The following KIAA0930 variants were observed in gnomAD, a reference collection of about 807,000 sequenced individuals.
The protein encoded by KIAA0930 is KIAA0930.
A neutral mutation model predicts 43.9 loss-of-function variants in KIAA0930; 24 were observed. The observed-to-expected ratio is 0.55, with a 90% CI of 0.40 to 0.77. KIAA0930 has a LOEUF of 0.77. KIAA0930 is among the 30% of genes least tolerant of loss of function. The probability of loss-of-function intolerance (pLI) is 0.00; values close to 1 mark genes in which losing one functional copy is unlikely to be tolerated. For missense variants in KIAA0930, 461 were observed against 574.2 expected, an observed-to-expected ratio of 0.80 and a Z score of 2.02; for synonymous variants, 259 against 216.4, an observed-to-expected ratio of 1.20 and a Z score of -1.73.
intron 1 of KIAA0930, 131 bp from the exon 2 acceptor site, chr22:45,212,238 C>A (rs767024181): frequency 6.2e-7 from 1 of 1,612,538 alleles, no homozygotes; most frequent in South Asian, 1.1e-5. Context: ...GATGCGCCAC[C>A]CTTCCCTCAC....
intron 1 of KIAA0930, among the ~76,000 whole-genome samples, chr22:45,220,129 C>T (rs1462391174): frequency 2.0e-5 from 3 of 151,982 alleles, no homozygotes; most frequent in Admixed American, 6.6e-5. Flanking sequence ...AAATATATGC[C>T]ATTGGCCAAG....
chr22:45,224,940 C>T (rs552488429), intron 1 of KIAA0930, among the ~76,000 whole-genome samples: 2 of 151,944 alleles, frequency 1.3e-5, no homozygotes, highest in Admixed American at 6.5e-5. Flanking sequence ...GCTGAGAAGG[C>T]GTCTGCCGTG....
At chr22:45,225,381 G>A (rs906655450) in intron 1 of KIAA0930, among the ~76,000 whole-genome samples, 3 of 152,140 alleles carry the variant, frequency 2.0e-5, no homozygotes, top group African/African-American at 4.8e-5. Context: ...TCTGACCAAA[G>A]GGAAGCGTGG....
intron 1 of KIAA0930, among the ~76,000 whole-genome samples, chr22:45,230,564 T>C (rs1489105848): frequency 6.6e-6 from 1 of 150,824 alleles, no homozygotes; most frequent in East Asian, 2.0e-4. Context: ...CCCAGTTTAT[T>C]ACCCCAGATC....
intron 1 of KIAA0930, chr22:45,226,186 G>A (rs1221416940): frequency 5.0e-5 from 23 of 457,436 alleles, no homozygotes; most frequent in Admixed American, 4.8e-4. Context: ...TTATTCATGG[G>A]CCTGTCTTAG....
intron 1 of KIAA0930, among the ~76,000 whole-genome samples, chr22:45,231,553 G>A (rs1434598486): frequency 6.6e-6 from 1 of 152,114 alleles, no homozygotes; most frequent in Non-Finnish European, 1.5e-5. Context: ...TCCCCAGGGA[G>A]GGCCAAGCTC....
At chr22:45,238,609 G>A (rs902861254) in intron 1 of KIAA0930, among the ~76,000 whole-genome samples, 1 of 152,190 alleles carries the variant, frequency 6.6e-6, no homozygotes, top group Non-Finnish European at 1.5e-5. Context: ...ACATGAGTAG[G>A]GGCGGCTTTC....
intron 1 of KIAA0930, among the ~76,000 whole-genome samples, chr22:45,217,876 TGTAA>T (rs1470486333): frequency 6.6e-6 from 1 of 152,226 alleles, no homozygotes; most frequent in Non-Finnish European, 1.5e-5. Flanking sequence ...GACCTGCTTC[TGTAA>T]GTCACTCTCT....
intron 7 of KIAA0930, 63 bp downstream of exon 7, chr22:45,202,927 G>A (rs1035188929): frequency 2.8e-5 from 39 of 1,400,018 alleles, no homozygotes; most frequent in Non-Finnish European, 3.6e-5. Flanking sequence ...GTGAGCACGG[G>A]GGAGACGGTG....
chr22:45,226,480 C>T (rs2083801626), intron 1 of KIAA0930: 1 of 360,544 alleles, frequency 2.8e-6, no homozygotes, highest in African/African-American at 2.1e-5. Flanking sequence ...ATCCTTTATC[C>T]TCCTCTAAGC....
chr22:45,211,985 C>A lies in KIAA0930; in HGVS notation c.187G>T (p.Gly63Cys), dbSNP rs750550174. The A allele has an allele frequency of 1.2e-5, 19 of 1,612,896 alleles. No individual in the cohort carries two copies. Among genetic ancestry groups the A allele is most frequent in the Non-Finnish European group, 3.4e-6 (4 of 1,180,022 alleles). ...FYVRRKLAYSGSESGADGRKA... is the reference protein window; with the variant it reads ...FYVRRKLAYSCSESGADGRKA... ...CTCCCGTCTGCACCGCTTTCGCTGC[C>A]GGAGTACGCCAGCTTCCGGCGCACA... The change falls in exon 2 of 10, where the codon GGC (glycine) becomes TGC (cysteine). Residue 63 changes from glycine to cysteine, a missense_variant. By Grantham distance (159) the Gly-to-Cys change is radical (BLOSUM62 -3). Transcript: ENST00000336156.
chr22:45,222,813 G>A (rs1026380454), intron 1 of KIAA0930, among the ~76,000 whole-genome samples: 1 of 151,754 alleles, frequency 6.6e-6, no homozygotes, highest in African/African-American at 2.4e-5. Context: ...GGAAATATAA[G>A]TGGTTTTAGA....
At chr22:45,211,185 G>C in intron 2 of KIAA0930, 1 of 378,232 alleles carries the variant, frequency 2.6e-6, no homozygotes, top group East Asian at 3.8e-5. Flanking sequence ...CGGAGTTACA[G>C]AGCCAGGCAG....
Position 45,228,743 on chromosome 22 carries a change from TACC to T in KIAA0930, c.64+11894_64+11896del, listed in dbSNP as rs1491159069. ...CCCGAAAGATCCCTCTCCACCCCCC[TACC>T]ACCACTCACCCGAAAGATCCCTCCC... On this transcript the variant is annotated intron_variant, in intron 1 of 9. Coordinates refer to ENST00000336156, the MANE Select transcript of KIAA0930 (RefSeq NM_001009880.2). 2.7e-4 allele frequency among the ~76,000 whole-genome samples: 3 copies of T among 11,186 alleles called. 1 individual carries two copies. The Admixed American group carries it at 2.7e-3, about 10-fold the overall frequency. 7.3% of individuals were successfully genotyped at this position (11,186 alleles called of 152,430 possible). A position where few individuals can be genotyped will look rare whatever the true frequency, so the allele number is the denominator to read the frequency against.
chr22:45,205,382 C>G, intron 4 of KIAA0930, 64 bp from the exon 5 acceptor site: 1 of 1,454,748 alleles, frequency 6.9e-7, no homozygotes, highest in Non-Finnish European at 9.6e-7. Flanking sequence ...CAGAGCCAGT[C>G]CAAGCCAGTA....
chr22:45,227,193 C>T (rs921486772), intron 1 of KIAA0930, among the ~76,000 whole-genome samples: 1 of 152,352 alleles, frequency 6.6e-6, no homozygotes, highest in African/African-American at 2.4e-5. Flanking sequence ...AACGACACAC[C>T]ACACAGGACA....
chr22:45,196,999 C>T lies in KIAA0930; in HGVS notation c.*177G>A. On this transcript the variant is annotated 3_prime_UTR_variant, in exon 10 of 10. Coordinates refer to ENST00000336156, the MANE Select transcript of KIAA0930 (RefSeq NM_001009880.2). The surrounding 1 kb of genome is among the most constrained non-coding windows in gnomAD (Gnocchi z 4.1). The stretch of plus-strand genomic sequence containing the variant: ...CCAGCAGGGGAGGGAAGAGGCACTT[C>T]AGTTTGGGCTGGTGTTCGTGGAGTC... 1 of 561,150 alleles carries T rather than the reference C, an allele frequency of 1.8e-6. No individual in the cohort carries two copies. The highest frequency in any genetic ancestry group is 3.1e-6 in the Non-Finnish European group (1 of 318,898). The allele number at this position is 561,150 out of a possible 1,614,324, so 34.8% of individuals were successfully genotyped here.
intron 1 of KIAA0930, among the ~76,000 whole-genome samples, chr22:45,234,723 C>T (rs977235386): frequency 6.6e-6 from 1 of 152,240 alleles, no homozygotes; most frequent in Non-Finnish European, 1.5e-5. Flanking sequence ...GCTATGTTTC[C>T]AACCACATGA....
chr22:45,240,138 G>C (rs918742943), intron 1 of KIAA0930, among the ~76,000 whole-genome samples: 15 of 152,228 alleles, frequency 9.9e-5, no homozygotes, highest in African/African-American at 3.6e-4. Context: ...AGAGGGGCCG[G>C]TGGGTGCGGA....
Sources: allele counts gnomAD v4.1 joint callset (sites outside exome capture counted in the v4.1 genomes callset), GRCh38; gene constraint gnomAD v4.1.1; non-coding constraint Gnocchi (gnomAD v3.1); transcripts MANE v1.5; gene names NCBI Gene and HGNC (gene_info 2026-07-23, HGNC 2026-07-21).